STAC: variants seen among roughly 807,000 people sequenced by gnomAD.
STAC encodes SH3 and cysteine-rich domain-containing protein.
A neutral mutation model predicts 48.8 loss-of-function variants in STAC; 43 were observed. The observed-to-expected ratio is 0.88, with a 90% CI of 0.69 to 1.14. The LOEUF is 1.14. Ranked by LOEUF, STAC falls within the 50% of genes most tolerant of loss-of-function variation. The pLI, the probability that STAC is intolerant of heterozygous loss-of-function variation, is 0.00. For synonymous variants in STAC, 193 were observed against 179.5 expected (o/e 1.07, Z -0.60); for missense variants, 497 against 504.0 (o/e 0.99, Z 0.13).
intron 10 of STAC, among the ~76,000 whole-genome samples, chr3:36,535,278 G>A (rs1157143380): frequency 2.0e-5 from 3 of 152,076 alleles, no homozygotes; most frequent in South Asian, 2.1e-4. Flanking sequence ...CTGCTTGTCC[G>A]TTGTTGGCGT....
intron 6 of STAC, 141 bp downstream of exon 6, chr3:36,493,370 A>C (rs559443432): frequency 2.9e-6 from 2 of 698,462 alleles, no homozygotes; most frequent in Non-Finnish European, 4.8e-6. Flanking sequence ...TCTGGAGAGA[A>C]TGTGAGCATT....
intron 3 of STAC, among the ~76,000 whole-genome samples, chr3:36,483,570 C>T (rs1270833330): frequency 6.6e-6 from 1 of 152,140 alleles, no homozygotes; most frequent in African/African-American, 2.4e-5. Flanking sequence ...CAGAATCTCC[C>T]AAACCAAGGG....
intron 1 of STAC, among the ~76,000 whole-genome samples, chr3:36,414,921 T>C (rs1158989181): frequency 6.6e-6 from 1 of 152,222 alleles, no homozygotes; most frequent in Non-Finnish European, 1.5e-5. Flanking sequence ...TGTTGGAGTT[T>C]GCTAGAGGTC....
intron 10 of STAC, 139 bp downstream of exon 10, chr3:36,529,124 T>C: frequency 9.8e-6 from 9 of 915,612 alleles, no homozygotes; most frequent in Non-Finnish European, 1.4e-5. Context: ...CTTACTCCAA[T>C]GATGTCAGTG....
intron 10 of STAC, among the ~76,000 whole-genome samples, chr3:36,534,469 T>C (rs541375448): frequency 3.2e-4 from 48 of 152,088 alleles, no homozygotes; most frequent in Non-Finnish European, 5.6e-4. Flanking sequence ...AAGAGACAAA[T>C]GGACATTAAC....
intron 2 of STAC, among the ~76,000 whole-genome samples, chr3:36,469,399 G>C (rs1697263524): frequency 6.6e-6 from 1 of 152,152 alleles, no homozygotes; most frequent in Non-Finnish European, 1.5e-5. Flanking sequence ...GTTTAAGGAG[G>C]CTACAAATAG....
chr3:36,406,694 T>C (rs531566059), intron 1 of STAC, among the ~76,000 whole-genome samples: 4 of 152,372 alleles, frequency 2.6e-5, no homozygotes, highest in East Asian at 3.9e-4. Flanking sequence ...TAAACTTTCA[T>C]TGAAACACAG....
chr3:36,380,685 G>C lies in STAC; in HGVS notation c.42G>C (p.Gly14=). The stretch of plus-strand genomic sequence containing the variant: ...GCCCCCGCGAGGACGGCGTGGACGG[G>C]CTGCCCAAGGAGGCGGTGGGCGCCG... ...PSSPREDGVD[G]LPKEAVGAEQ... is the part of the protein sequence containing the mutation. The change falls in exon 1 of 11, where the codon GGG becomes GGC. Residue 14 remains glycine, a synonymous_variant. Coordinates refer to ENST00000273183, the MANE Select transcript of STAC (RefSeq NM_003149.3). 6.2e-7 allele frequency: 1 copy of C among 1,609,498 alleles called. No homozygotes were observed. The highest frequency in any genetic ancestry group is 8.5e-7 in the Non-Finnish European group (1 of 1,178,372).
intron 1 of STAC, among the ~76,000 whole-genome samples, chr3:36,441,646 T>C (rs944291717): frequency 2.0e-5 from 3 of 152,190 alleles, no homozygotes; most frequent in African/African-American, 7.2e-5. Flanking sequence ...GTAGTTCTAT[T>C]TGTAGCTTTT....
chr3:36,443,716 G>T lies in STAC; in HGVS notation c.388+76G>T. ...GTGAGAGTGGTGTGCCACGGGTCCA[G>T]GTACCTACGGACAGATGCTAGGCCT... is the stretch of plus-strand genomic sequence containing the variant. On this transcript the variant is annotated intron_variant, in intron 2 of 10. Transcript: ENST00000273183. The surrounding 1 kb of genome is among the most constrained non-coding windows in gnomAD (Gnocchi z 4.2). 3.2e-6 allele frequency: 5 copies of T among 1,553,262 alleles called. No homozygotes were observed. The highest frequency in any genetic ancestry group is 3.5e-6 in the Non-Finnish European group (4 of 1,146,662).
At chr3:36,398,351 G>GAAAGAAAGA (rs1699904818) in intron 1 of STAC, among the ~76,000 whole-genome samples, 1 of 133,140 alleles carries the variant, frequency 7.5e-6, no homozygotes, top group Non-Finnish European at 1.7e-5. Flanking sequence ...AAGAAAGAAA[G>GAAAGAAAGA]AAAGAAAGAA....
intron 5 of STAC, among the ~76,000 whole-genome samples, chr3:36,489,152 T>C (rs1697898943): frequency 6.6e-6 from 1 of 152,202 alleles, no homozygotes; most frequent in South Asian, 2.1e-4. Flanking sequence ...ATGATTGCAT[T>C]GTAATCATCT....
chr3:36,438,346 T>C (rs914421973), intron 1 of STAC, among the ~76,000 whole-genome samples: 2 of 152,200 alleles, frequency 1.3e-5, no homozygotes, highest in African/African-American at 2.4e-5. Flanking sequence ...GAAGAATATC[T>C]GTTTCTTTTA....
Position 36,493,209 on chromosome 3 carries a change from T to C in STAC, c.746T>C (p.Leu249Pro). 6.2e-7 allele frequency: 1 copy of C among 1,613,382 alleles called. No individual in the cohort carries two copies. The highest frequency in any genetic ancestry group is 8.5e-7 in the Non-Finnish European group (1 of 1,179,550). ...AATGGGCCAGGAGGCGGGTATGACC[T>C]AAGGAAACGCAGCAACAGCGGTGAG... ...EANGPGGGYD[L>P]RKRSNSVFTY... The change falls in exon 6 of 11, where the codon CTA becomes CCA. Residue 249 changes from leucine (L) to proline (P), a missense_variant. Coordinates refer to ENST00000273183, the MANE Select transcript of STAC (RefSeq NM_003149.3).
intron 5 of STAC, among the ~76,000 whole-genome samples, chr3:36,490,326 G>T (rs1006287017): frequency 1.3e-5 from 2 of 152,190 alleles, no homozygotes; most frequent in African/African-American, 4.8e-5. Flanking sequence ...GCCACACAGA[G>T]CTCACTCTCA....
intron 1 of STAC, among the ~76,000 whole-genome samples, chr3:36,437,513 A>T (rs1261564183): frequency 6.6e-6 from 1 of 151,378 alleles, no homozygotes; most frequent in Non-Finnish European, 1.5e-5. Flanking sequence ...ATTCTCAGTA[A>T]ACTACCGCAA....
intron 2 of STAC, among the ~76,000 whole-genome samples, chr3:36,456,461 C>T (rs1198151584): frequency 2.0e-5 from 3 of 152,128 alleles, no homozygotes; most frequent in East Asian, 1.9e-4. Context: ...CAAATGCAGT[C>T]GTGCTCAGTT....
At chr3:36,392,490 C>A (rs1304315645) in intron 1 of STAC, among the ~76,000 whole-genome samples, 5 of 152,136 alleles carry the variant, frequency 3.3e-5, no homozygotes, top group African/African-American at 1.2e-4. Flanking sequence ...CAGGCACATA[C>A]AATCATGCCC....
intron 1 of STAC, among the ~76,000 whole-genome samples, chr3:36,398,673 GAAAGAAAGAAAGA>G (rs1699936988): frequency 7.2e-6 from 1 of 138,130 alleles, no homozygotes; most frequent in Non-Finnish European, 1.6e-5. Flanking sequence ...AGGAAGGAAG[GAAAGAAAGAAAGA>G]AAGAAAAGAA....
Sources: allele counts gnomAD v4.1 joint callset (sites outside exome capture counted in the v4.1 genomes callset), GRCh38; gene constraint gnomAD v4.1.1; non-coding constraint Gnocchi (gnomAD v3.1); transcripts MANE v1.5; gene names NCBI Gene and HGNC (gene_info 2026-07-23, HGNC 2026-07-21).